The following PLXDC2 variants were observed in gnomAD, a reference collection of about 807,000 sequenced individuals.
PLXDC2 encodes plexin domain-containing protein 2.
Under a neutral mutation model 68.9 loss-of-function variants are expected in PLXDC2, and 40 were observed. That is an observed-to-expected ratio of 0.58 (90% CI 0.45 to 0.76). The LOEUF (loss-of-function observed/expected upper bound fraction) is 0.76, where lower values mean the gene tolerates loss of function less well. PLXDC2 is among the 30% of genes least tolerant of loss of function. PLXDC2 has a pLI of 0.00. For missense variants in PLXDC2, 644 were observed against 661.9 expected, an observed-to-expected ratio of 0.97 and a Z score of 0.30; for synonymous variants, 243 against 234.2, an observed-to-expected ratio of 1.04 and a Z score of -0.34.
intron 1 of PLXDC2, among the ~76,000 whole-genome samples, chr10:19,931,040 T>C (rs1404574428): frequency 1.3e-5 from 2 of 152,226 alleles, no homozygotes; most frequent in Non-Finnish European, 2.9e-5. Context: ...GGTGTGCTTT[T>C]GTTTGCTGAA....
At chr10:19,837,320 A>G (rs1158973794) in intron 1 of PLXDC2, among the ~76,000 whole-genome samples, 1 of 151,956 alleles carries the variant, frequency 6.6e-6, no homozygotes, top group Non-Finnish European at 1.5e-5. Flanking sequence ...GTTATCTTTC[A>G]GGATAGATCA....
chr10:20,076,445 A>G (rs191979807), intron 4 of PLXDC2, among the ~76,000 whole-genome samples: 1 of 152,346 alleles, frequency 6.6e-6, no homozygotes, highest in Admixed American at 6.5e-5. Flanking sequence ...CAATAAAAAT[A>G]CCTGGTGCAT....
At chr10:19,864,228 A>G (rs1319220301) in intron 1 of PLXDC2, among the ~76,000 whole-genome samples, 1 of 152,080 alleles carries the variant, frequency 6.6e-6, no homozygotes, top group Non-Finnish European at 1.5e-5. Context: ...CTGATCTGGA[A>G]CTCTTGGCCT....
intron 12 of PLXDC2, among the ~76,000 whole-genome samples, chr10:20,241,636 A>G (rs1835517436): frequency 6.6e-6 from 1 of 152,114 alleles, no homozygotes; most frequent in Admixed American, 6.6e-5. Context: ...AAAATTAACC[A>G]GGCATGGTGG....
intron 2 of PLXDC2, among the ~76,000 whole-genome samples, chr10:20,014,772 A>G (rs1467597796): frequency 6.6e-6 from 1 of 152,190 alleles, no homozygotes; most frequent in Non-Finnish European, 1.5e-5. Flanking sequence ...TTGTCCATGT[A>G]TATCTCTTAT....
chr10:19,883,550 T>G (rs1283928506), intron 1 of PLXDC2, among the ~76,000 whole-genome samples: 2 of 152,168 alleles, frequency 1.3e-5, no homozygotes, highest in Non-Finnish European at 2.9e-5. Flanking sequence ...AATGAGTGGT[T>G]GGTCACAAGG....
At chr10:20,033,071 A>G (rs188547407) in intron 2 of PLXDC2, among the ~76,000 whole-genome samples, 84 of 151,720 alleles carry the variant, frequency 5.5e-4, no homozygotes, top group Admixed American at 2.1e-3. Flanking sequence ...ATTAGGAGAT[A>G]TACCTAAAGT....
intron 4 of PLXDC2, among the ~76,000 whole-genome samples, chr10:20,142,480 G>A (rs954075960): frequency 1.2e-4 from 19 of 152,090 alleles, no homozygotes; most frequent in Non-Finnish European, 2.6e-4. Context: ...TTAACAATTT[G>A]TCATGGATAA....
At chr10:20,015,240 A>G (rs1301219575) in intron 2 of PLXDC2, among the ~76,000 whole-genome samples, 3 of 152,162 alleles carry the variant, frequency 2.0e-5, no homozygotes, top group African/African-American at 7.2e-5. Context: ...AGAACTTGGC[A>G]TTGCCAGCAG....
At chr10:20,169,617 G>A (rs1196018737) in intron 7 of PLXDC2, among the ~76,000 whole-genome samples, 1 of 152,088 alleles carries the variant, frequency 6.6e-6, no homozygotes, top group African/African-American at 2.4e-5. Flanking sequence ...CATCTGTGGG[G>A]TGCTGACTTA....
At chr10:20,087,769 G>C (rs1833219180) in intron 4 of PLXDC2, among the ~76,000 whole-genome samples, 1 of 152,176 alleles carries the variant, frequency 6.6e-6, no homozygotes, top group South Asian at 2.1e-4. Flanking sequence ...AAATAAATAG[G>C]CTACATTTAG....
At chr10:20,221,160 T>G (rs1835207030) in intron 12 of PLXDC2, among the ~76,000 whole-genome samples, 1 of 152,024 alleles carries the variant, frequency 6.6e-6, no homozygotes, top group Non-Finnish European at 1.5e-5. Context: ...TTTTTATGAG[T>G]AGTATGTCAT....
intron 4 of PLXDC2, among the ~76,000 whole-genome samples, chr10:20,090,811 G>A (rs1045998528): frequency 6.6e-6 from 1 of 152,068 alleles, no homozygotes; most frequent in South Asian, 2.1e-4. Flanking sequence ...ATCTTAAAAG[G>A]TAAAGATTTA....
intron 1 of PLXDC2, among the ~76,000 whole-genome samples, chr10:19,928,258 T>G (rs142647889): frequency 1.6e-4 from 25 of 152,318 alleles, no homozygotes; most frequent in African/African-American, 5.3e-4. Context: ...TAAACATACA[T>G]GTGCCAGTGT....
chr10:20,192,915 T>C (rs1834786403), intron 9 of PLXDC2, among the ~76,000 whole-genome samples: 1 of 152,078 alleles, frequency 6.6e-6, no homozygotes, highest in Non-Finnish European at 1.5e-5. Flanking sequence ...ACCAATGTTG[T>C]CTGTGAATGA....
At chr10:19,904,324 C>T (rs1838206449) in intron 1 of PLXDC2, among the ~76,000 whole-genome samples, 1 of 151,976 alleles carries the variant, frequency 6.6e-6, no homozygotes, top group African/African-American at 2.4e-5. Context: ...TATCTCATTT[C>T]TCAGGTCTAG....
At chr10:19,904,546 T>A (rs1406326581) in intron 1 of PLXDC2, among the ~76,000 whole-genome samples, 1 of 151,402 alleles carries the variant, frequency 6.6e-6, no homozygotes, top group African/African-American at 2.4e-5. Flanking sequence ...GGCTGAGAAC[T>A]TCCCCAGACC....
intron 9 of PLXDC2, among the ~76,000 whole-genome samples, chr10:20,178,278 G>A (rs957985172): frequency 6.6e-6 from 1 of 152,134 alleles, no homozygotes; most frequent in Non-Finnish European, 1.5e-5. Flanking sequence ...TTGACAAGTG[G>A]CAAAGATGGT....
At chr10:19,924,156 T>A (rs1833503279) in intron 1 of PLXDC2, among the ~76,000 whole-genome samples, 1 of 152,130 alleles carries the variant, frequency 6.6e-6, no homozygotes, top group Non-Finnish European at 1.5e-5. Flanking sequence ...GCAATCAGGG[T>A]CTCAGTCAGA....
Sources: gnomAD v4.1 joint callset for allele counts (sites outside exome capture counted in the v4.1 genomes callset) on GRCh38, gnomAD v4.1.1 for gene constraint, MANE v1.5 for transcripts, NCBI Gene and HGNC (gene_info 2026-07-23, HGNC 2026-07-21) for gene names.